The following RIN2 variants were observed in gnomAD, a reference collection of about 807,000 sequenced individuals.
RIN2 encodes the protein Ras and Rab interactor 2, also known as RAB5 interacting protein 2.
In RIN2, 36 loss-of-function variants were observed where a neutral mutation model predicts 78.0. The observed-to-expected ratio is 0.46, with a 90% CI of 0.35 to 0.61. The LOEUF (loss-of-function observed/expected upper bound fraction) is 0.61, where lower values mean the gene tolerates loss of function less well. Ranked by LOEUF, RIN2 falls within the 20% of genes least tolerant of loss-of-function variation. RIN2 has a pLI of 0.00. For missense variants in RIN2, 1,087 were observed against 1,159.7 expected, an observed-to-expected ratio of 0.94 and a Z score of 0.91; for synonymous variants, 466 against 466.8, an observed-to-expected ratio of 1.00 and a Z score of 0.02.
intron 3 of RIN2, among the ~76,000 whole-genome samples, chr20:19,933,565 C>G (rs1165014399): frequency 6.6e-6 from 1 of 152,140 alleles, no homozygotes; most frequent in African/African-American, 2.4e-5. Flanking sequence ...GAACTGAGAT[C>G]TTCTCAGCTC....
At chr20:19,977,809 A>G (rs139008199) in intron 9 of RIN2, among the ~76,000 whole-genome samples, 25 of 152,246 alleles carry the variant, frequency 1.6e-4, no homozygotes, top group African/African-American at 5.8e-4. Context: ...AGTTATGGAT[A>G]TGGCCTCCAC....
intron 2 of RIN2, among the ~76,000 whole-genome samples, chr20:19,861,332 A>G (rs1305989432): frequency 6.6e-6 from 1 of 152,196 alleles, no homozygotes; most frequent in Non-Finnish European, 1.5e-5. Context: ...AGCCTTTGCT[A>G]TGATATGTTC....
intron 4 of RIN2, among the ~76,000 whole-genome samples, chr20:19,937,478 C>T (rs901227267): frequency 2.6e-5 from 4 of 152,140 alleles, no homozygotes; most frequent in African/African-American, 9.7e-5. Flanking sequence ...ACAGCCACCA[C>T]GAAATGTCTA....
chr20:19,947,785 G>T (rs1568646692), intron 4 of RIN2, among the ~76,000 whole-genome samples: 1 of 152,374 alleles, frequency 6.6e-6, no homozygotes, highest in Admixed American at 6.5e-5. Flanking sequence ...TGCAAGGAGA[G>T]ACATGGGCGG....
chr20:19,900,217 C>T (rs2038918516), intron 3 of RIN2, among the ~76,000 whole-genome samples: 1 of 152,252 alleles, frequency 6.6e-6, no homozygotes, highest in Non-Finnish European at 1.5e-5. Context: ...GGCATCATGG[C>T]TCATGCCTGT....
At chr20:19,896,224 T>C (rs1475670210) in intron 3 of RIN2, among the ~76,000 whole-genome samples, 4 of 152,232 alleles carry the variant, frequency 2.6e-5, no homozygotes, top group African/African-American at 9.6e-5. Flanking sequence ...AGTCTTGCTC[T>C]GTTGCCTAGG....
intron 2 of RIN2, among the ~76,000 whole-genome samples, chr20:19,844,548 A>C: frequency 6.6e-6 from 1 of 151,436 alleles, no homozygotes; most frequent in South Asian, 2.1e-4. Flanking sequence ...ACAGGTGGGA[A>C]TGGTGGAGAA....
chr20:19,912,788 C>A (rs1466537897), intron 3 of RIN2, among the ~76,000 whole-genome samples: 1 of 152,162 alleles, frequency 6.6e-6, no homozygotes, highest in East Asian at 1.9e-4. Flanking sequence ...CCGGGATGGT[C>A]ATTTCTAACC....
chr20:19,956,529 C>G (rs1403713126), intron 4 of RIN2, 86 bp from the exon 5 acceptor site: 1 of 1,294,816 alleles, frequency 7.7e-7, no homozygotes, highest in Non-Finnish European at 1.1e-6. Flanking sequence ...CGGTGGCAAG[C>G]CTGGCCTATG....
Position 20,001,211 on chromosome 20 carries a change from C to G in RIN2, c.*275C>G. On this transcript the variant is annotated 3_prime_UTR_variant, in exon 13 of 13. Transcript: ENST00000255006. ...TTTGCTACCTACCCCCAGTCAGGTT[C>G]TAGGTTGGCTTACAGGTATGTATAT... is the stretch of plus-strand genomic sequence containing the variant. 2.3e-6 allele frequency: 1 copy of G among 442,292 alleles called. No homozygotes were observed. Among genetic ancestry groups the G allele is most frequent in the Non-Finnish European group, 4.1e-6 (1 of 243,982 alleles). The allele number at this position is 442,292 out of a possible 1,614,324, so 27.4% of individuals were successfully genotyped here.
At chr20:19,997,059 C>A (rs1229803842) in intron 12 of RIN2, among the ~76,000 whole-genome samples, 1 of 151,964 alleles carries the variant, frequency 6.6e-6, no homozygotes, top group East Asian at 1.9e-4. Flanking sequence ...TTAAGAAAAC[C>A]AAGTTGAATT....
intron 1 of RIN2, among the ~76,000 whole-genome samples, chr20:19,768,945 C>T (rs1320932491): frequency 2.7e-5 from 4 of 145,796 alleles, no homozygotes; most frequent in Admixed American, 6.8e-5. Context: ...TTTTTGAGAC[C>T]GAGTCTCGCT....
intron 2 of RIN2, among the ~76,000 whole-genome samples, chr20:19,864,485 A>G (rs1172581139): frequency 6.6e-6 from 1 of 152,200 alleles, no homozygotes; most frequent in Non-Finnish European, 1.5e-5. Context: ...ACTTCACCAA[A>G]GTCCCTCCTC....
chr20:19,912,550 C>G (rs1600777108), intron 3 of RIN2, among the ~76,000 whole-genome samples: 2 of 140,878 alleles, frequency 1.4e-5, no homozygotes, highest in African/African-American at 5.3e-5. Flanking sequence ...GCGATTTCGG[C>G]TCACTGCAAC....
intron 3 of RIN2, among the ~76,000 whole-genome samples, chr20:19,921,611 A>G (rs2039924949): frequency 6.6e-6 from 1 of 152,168 alleles, no homozygotes; most frequent in Non-Finnish European, 1.5e-5. Context: ...GTTTGGGAGC[A>G]TCTCTGGCTC....
At chr20:19,845,275 T>G (rs1037350535) in intron 2 of RIN2, among the ~76,000 whole-genome samples, 26 of 152,164 alleles carry the variant, frequency 1.7e-4, no homozygotes, top group African/African-American at 5.5e-4. Flanking sequence ...GGTCAAATAG[T>G]ATTTCTAGTT....
chr20:20,001,852 A>G lies in RIN2; in HGVS notation c.*916A>G, dbSNP rs1376752818. On this transcript the variant is annotated 3_prime_UTR_variant, in exon 13 of 13. Transcript: ENST00000255006. ...CTGGTTCAGGCTCTTCAAAAGATGT[A>G]GAAAAAGAGATAGAAGGAACCACCT... The G allele has an allele frequency of 6.6e-6, 1 of 152,670 alleles. No homozygotes were observed. The allele number at this position is 152,670 out of a possible 1,614,324, so 9.5% of individuals were successfully genotyped here. A position where few individuals can be genotyped will look rare whatever the true frequency, so the allele number is the denominator to read the frequency against.
At chr20:19,876,309 G>A (rs554794226) in intron 2 of RIN2, among the ~76,000 whole-genome samples, 11 of 152,256 alleles carry the variant, frequency 7.2e-5, no homozygotes, top group Non-Finnish European at 1.5e-4. Flanking sequence ...TCTTCAGGTC[G>A]TATAAATCTT....
chr20:19,784,040 C>A (rs1340894554), intron 1 of RIN2, among the ~76,000 whole-genome samples: 1 of 152,226 alleles, frequency 6.6e-6, no homozygotes. Flanking sequence ...CACTGACGGA[C>A]ACAGTGTGTC....
Sources: gnomAD v4.1 joint callset for allele counts (sites outside exome capture counted in the v4.1 genomes callset) on GRCh38, gnomAD v4.1.1 for gene constraint, MANE v1.5 for transcripts, NCBI Gene and HGNC (gene_info 2026-07-23, HGNC 2026-07-21) for gene names.